The following DUSP26 variants were observed in gnomAD, a reference collection of about 807,000 sequenced individuals.
DUSP26 encodes dual specificity protein phosphatase 26.
Under a neutral mutation model 20.0 loss-of-function variants are expected in DUSP26, and 12 were observed. That is an observed-to-expected ratio of 0.60 (90% CI 0.38 to 0.97). The LOEUF (loss-of-function observed/expected upper bound fraction) is 0.97, where lower values mean the gene tolerates loss of function less well. Among genes scored for constraint, DUSP26 ranks in the 50% least tolerant of loss-of-function variants. The pLI, the probability that DUSP26 is intolerant of heterozygous loss-of-function variation, is 0.00. For missense variants in DUSP26, 230 were observed against 294.0 expected (o/e 0.78, Z 1.59); for synonymous variants, 120 against 118.8 (o/e 1.01, Z -0.06).
At position 33,591,738 on chromosome 8, in the gene DUSP26, C is replaced by G. The variant is rs1383837851; in HGVS notation, c.*275G>C. On this transcript the variant is annotated 3_prime_UTR_variant, in exon 4 of 4. Coordinates refer to ENST00000256261, the MANE Select transcript of DUSP26 (RefSeq NM_024025.3). ...TCCCAGGGAGCACCCTGGCCAGATC[C>G]CAGCGGTGTTCGAATCCCAGGACCA... is the stretch of plus-strand genomic sequence containing the variant. 6.4e-6 allele frequency: 3 copies of G among 472,418 alleles called. No individual in the cohort carries two copies. The highest frequency in any genetic ancestry group is 1.1e-5 in the Non-Finnish European group (3 of 260,886). The allele number at this position is 472,418 out of a possible 1,614,324, so 29.3% of individuals were successfully genotyped here. A position where few individuals can be genotyped will look rare whatever the true frequency, so the allele number is the denominator to read the frequency against.
Position 33,597,562 on chromosome 8 carries a change from A to T in DUSP26, c.-47T>A, listed in dbSNP as rs772815629. 21 of 1,544,152 alleles carry T rather than the reference A, an allele frequency of 1.4e-5. No homozygotes were observed. Among genetic ancestry groups the T allele is most frequent in the Non-Finnish European group, 8.8e-7 (1 of 1,138,126 alleles). ...GGCAGCTGCAGGAGTGGCTGTGGTG[A>T]TGATGGGTTCAGTTGCCAGGTAGCT... On this transcript the variant is annotated 5_prime_UTR_variant, in exon 2 of 4. Coordinates refer to ENST00000256261, the MANE Select transcript of DUSP26 (RefSeq NM_024025.3).
chr8:33,596,164 A>C (rs1382277002), intron 2 of DUSP26, among the ~76,000 whole-genome samples: 1 of 152,208 alleles, frequency 6.6e-6, no homozygotes, highest in Non-Finnish European at 1.5e-5. Flanking sequence ...GGCGTCTGTA[A>C]GCCCAGCTAC....
At chr8:33,597,199 A>G in intron 2 of DUSP26, 96 bp downstream of exon 2, 2 of 1,217,288 alleles carry the variant, frequency 1.6e-6, no homozygotes, top group Non-Finnish European at 2.3e-6. Flanking sequence ...CCAGGAACCA[A>G]TGACACCACT....
intron 2 of DUSP26, among the ~76,000 whole-genome samples, chr8:33,596,112 C>G (rs569047818): frequency 6.6e-6 from 1 of 152,130 alleles, no homozygotes; most frequent in African/African-American, 2.4e-5. Flanking sequence ...GGCTAGACGC[C>G]GTCTCTACTA....
At chr8:33,597,770 G>A (rs1009185254) in intron 1 of DUSP26, 179 bp from the exon 2 acceptor site, 2 of 442,478 alleles carry the variant, frequency 4.5e-6, no homozygotes. Context: ...TCAGCTCTTT[G>A]GCTCTGCCAC....
intron 2 of DUSP26, among the ~76,000 whole-genome samples, chr8:33,597,061 A>T (rs1025036959): frequency 3.3e-5 from 5 of 151,984 alleles, no homozygotes; most frequent in Admixed American, 1.3e-4. Context: ...AGCCTTTCAA[A>T]CTGCTGGGAT....
chr8:33,592,100 T>C lies in DUSP26; in HGVS notation c.549A>G (p.Lys183=). The C allele has an allele frequency of 1.2e-6, 2 of 1,613,674 alleles. No homozygotes were observed. The highest frequency in any genetic ancestry group is 1.7e-4 in the Middle Eastern group (1 of 6,060). Residue 183 remains lysine, a synonymous_variant, in exon 4 of 4, where the codon AAA becomes AAG. Coordinates refer to ENST00000256261, the MANE Select transcript of DUSP26 (RefSeq NM_024025.3). The stretch of plus-strand genomic sequence containing the variant: ...GGTTGGGGATGATGCCTCGGTGGTC[T>C]TTGACTTTCTTGATGGCCTCCACGA... The part of the protein sequence containing the change: ...LTLVEAIKKV[K]DHRGIIPNRG...
Position 33,593,645 on chromosome 8 carries a change from C to A in DUSP26, c.324G>T (p.Gly108=). 6.2e-7 allele frequency: 1 copy of A among 1,614,206 alleles called. No individual in the cohort carries two copies. The highest frequency in any genetic ancestry group is 1.3e-5 in the African/African-American group (1 of 75,060). ...RWRGTPEAYE[G]LGIRYLGVEA... ...CAACACCCAGGTAGCGGATGCCCAG[C>A]CCCTCATAGGCCTCGGGCGTGCCTC... is the stretch of plus-strand genomic sequence containing the variant. Residue 108 remains glycine (G), a synonymous_variant, in exon 3 of 4, where the codon GGG becomes GGT. Coordinates refer to ENST00000256261, the MANE Select transcript of DUSP26 (RefSeq NM_024025.3).
At position 33,592,041 on chromosome 8, in the gene DUSP26, C is replaced by A; in HGVS notation, c.608G>T (p.Arg203Leu). Residue 203 changes from arginine to leucine, a missense_variant, in exon 4 of 4, where the codon CGC (arginine) becomes CTC (leucine). By Grantham distance (102) the Arg-to-Leu change is moderately radical (BLOSUM62 -2). Coordinates refer to ENST00000256261, the MANE Select transcript of DUSP26 (RefSeq NM_024025.3). ...TGCTTCCAGACCCTGCCGCAGCCTG[C>A]GGTCCAGGGCCAGGAGCTGCCTCAG... ...GFLRQLLALD[R>L]RLRQGLEA is the part of the protein sequence containing the mutation. 6.2e-7 allele frequency: 1 copy of A among 1,613,864 alleles called. No homozygotes were observed. Among genetic ancestry groups the A allele is most frequent in the African/African-American group, 1.3e-5 (1 of 75,004 alleles).
intron 2 of DUSP26, among the ~76,000 whole-genome samples, chr8:33,595,302 G>A (rs752861211): frequency 2.1e-4 from 32 of 151,706 alleles, no homozygotes; most frequent in African/African-American, 5.6e-4. Context: ...ACCCAGAACC[G>A]TCTTGTGTTT....
intron 3 of DUSP26, among the ~76,000 whole-genome samples, chr8:33,592,994 G>C (rs1811057667): frequency 6.6e-6 from 1 of 152,166 alleles, no homozygotes; most frequent in African/African-American, 2.4e-5. Context: ...CCTGCTGGCT[G>C]GGTGCAGTGG....
rs569690138 is a variant in DUSP26, at chr8:33,594,778, C to A, written c.222-1031G>T. 4.7e-5 allele frequency among the ~76,000 whole-genome samples: 7 copies of A among 149,186 alleles called. No homozygotes were observed. In the East Asian group the frequency reaches 1.4e-3, roughly 30 times the overall value. ...TTGCTATGTCTCCCAGGCTGAAGTGCAATGGTGCAATCTCAGCTCACTGCA... is the reference window on the plus strand; with the variant it reads ...TTGCTATGTCTCCCAGGCTGAAGTGAAATGGTGCAATCTCAGCTCACTGCA... On this transcript the variant is annotated intron_variant, in intron 2 of 3. Transcript: ENST00000256261.
At chr8:33,599,411 G>T (rs1811221031) in intron 1 of DUSP26, among the ~76,000 whole-genome samples, 1 of 152,164 alleles carries the variant, frequency 6.6e-6, no homozygotes, top group South Asian at 2.1e-4. Context: ...CGGCTCCAGG[G>T]GCCCTGGCCC....
At chr8:33,596,472 C>G (rs1313872564) in intron 2 of DUSP26, among the ~76,000 whole-genome samples, 2 of 151,984 alleles carry the variant, frequency 1.3e-5, no homozygotes, top group African/African-American at 2.4e-5. Flanking sequence ...GTCCCAGCTA[C>G]TCTGGAGGCT....
chr8:33,596,339 A>T (rs560657946), intron 2 of DUSP26, among the ~76,000 whole-genome samples: 1 of 152,146 alleles, frequency 6.6e-6, no homozygotes, highest in Admixed American at 6.6e-5. Context: ...GCACTTTGAG[A>T]GGCCGAGACA....
In DUSP26 at chr8:33,591,860, A is replaced by C; in HGVS notation, c.*153T>G. ...AACCTCACTCCCCGTCCCCTCCCACAAAGAGTGACAGTGGCCTGGGGCTCG... is the reference window on the plus strand; with the variant it reads ...AACCTCACTCCCCGTCCCCTCCCACCAAGAGTGACAGTGGCCTGGGGCTCG... On this transcript the variant is annotated 3_prime_UTR_variant, in exon 4 of 4. Coordinates refer to ENST00000256261, the MANE Select transcript of DUSP26 (RefSeq NM_024025.3). 1.2e-6 allele frequency: 1 copy of C among 858,792 alleles called. No individual in the cohort carries two copies. The highest frequency in any genetic ancestry group is 1.7e-6 in the Non-Finnish European group (1 of 572,628). The allele number at this position is 858,792 out of a possible 1,614,324, so 53.2% of individuals were successfully genotyped here. A position where few individuals can be genotyped will look rare whatever the true frequency, so the allele number is the denominator to read the frequency against.
intron 1 of DUSP26, 63 bp downstream of exon 1, chr8:33,599,602 G>C (rs1177601264): frequency 6.6e-6 from 1 of 152,052 alleles, no homozygotes; most frequent in Non-Finnish European, 1.5e-5. Context: ...GCCCCTAGCT[G>C]GGCGCCTCTC....
At chr8:33,598,185 G>C (rs1203904029) in intron 1 of DUSP26, among the ~76,000 whole-genome samples, 1 of 151,944 alleles carries the variant, frequency 6.6e-6, no homozygotes, top group East Asian at 1.9e-4. Flanking sequence ...GGTGGGGGTG[G>C]GATGGGGTGA....
At chr8:33,594,720 AT>A (rs111883315) in intron 2 of DUSP26, among the ~76,000 whole-genome samples, 1,529 of 142,176 alleles carry the variant, frequency 0.011, 14 homozygotes, top group Middle Eastern at 0.043. Context: ...AGCAGATTTC[AT>A]TTTTTTTTTT....
Sources: gnomAD v4.1 joint callset for allele counts (sites outside exome capture counted in the v4.1 genomes callset) on GRCh38, gnomAD v4.1.1 for gene constraint, MANE v1.5 for transcripts, NCBI Gene and HGNC (gene_info 2026-07-23, HGNC 2026-07-21) for gene names.